Variants in CDH13 observed in about 807,000 individuals in gnomAD.
CDH13 encodes the protein cadherin-13.
Under a neutral mutation model 63.8 loss-of-function variants are expected in CDH13, and 24 were observed. The ratio of observed to expected loss-of-function variants is 0.38; its 90% CI spans 0.27 to 0.53. CDH13 has a LOEUF of 0.53. Ranked by LOEUF, CDH13 falls within the 20% of genes least tolerant of loss-of-function variation. The pLI is 0.85. For missense variants in CDH13, 1,049 were observed against 903.1 expected, an observed-to-expected ratio of 1.16 and a Z score of -2.07; for synonymous variants, 503 against 355.3, an observed-to-expected ratio of 1.42 and a Z score of -4.67.
intron 6 of CDH13, among the ~76,000 whole-genome samples, chr16:83,369,015 G>C (rs1209877412): frequency 2.1e-5 from 3 of 145,762 alleles, no homozygotes; most frequent in Admixed American, 1.4e-4. Flanking sequence ...AAATTGTGCT[G>C]CTATAAACAT....
At chr16:83,411,745 C>T (rs547166485) in intron 6 of CDH13, among the ~76,000 whole-genome samples, 1 of 152,050 alleles carries the variant, frequency 6.6e-6, no homozygotes, top group Non-Finnish European at 1.5e-5. Flanking sequence ...CTTAAACATA[C>T]CAGCTAGTGG....
chr16:83,330,589 C>A (rs1013823529), intron 5 of CDH13, among the ~76,000 whole-genome samples: 2 of 152,134 alleles, frequency 1.3e-5, no homozygotes, highest in Admixed American at 1.3e-4. Flanking sequence ...GACAGTAGGA[C>A]CAATGTAGCA....
intron 1 of CDH13, among the ~76,000 whole-genome samples, chr16:82,814,430 C>G (rs13337452): frequency 6.6e-6 from 1 of 151,820 alleles, no homozygotes; most frequent in African/African-American, 2.4e-5. Context: ...AGGCTGAAGA[C>G]TGAGTTGATC....
At position 83,031,491 on chromosome 16, in the gene CDH13, GTTAA is replaced by G. The variant is rs377678196; in HGVS notation, c.158-516_158-513del. 3.6e-3 allele frequency among the ~76,000 whole-genome samples: 515 copies of G among 141,440 alleles called. 6 individuals carry two copies. The highest frequency in any genetic ancestry group is 0.013 in the African/African-American group (478 of 37,702). 92.8% of individuals were successfully genotyped at this position (141,440 alleles called of 152,430 possible). On this transcript the variant is annotated intron_variant, in intron 2 of 13. Coordinates refer to ENST00000567109, the MANE Select transcript of CDH13 (RefSeq NM_001257.5). ...ATACATGTACATGTATATGCACATC[GTTAA>G]TTCTCATTCCCTGAATCTGTTTTGC... is the stretch of plus-strand genomic sequence containing the variant.
intron 2 of CDH13, among the ~76,000 whole-genome samples, chr16:82,959,852 A>T (rs1405219169): frequency 6.6e-6 from 1 of 152,188 alleles, no homozygotes; most frequent in Admixed American, 6.5e-5. Flanking sequence ...ATTTATGAGT[A>T]CGGCAGCTAT....
At chr16:82,638,127 T>G (rs909480282) in intron 1 of CDH13, among the ~76,000 whole-genome samples, 5 of 152,218 alleles carry the variant, frequency 3.3e-5, no homozygotes, top group African/African-American at 1.2e-4. Context: ...TCTGCTGTCT[T>G]TCTTTCTTTC....
intron 8 of CDH13, among the ~76,000 whole-genome samples, chr16:83,630,814 G>A (rs1910713810): frequency 6.6e-6 from 1 of 152,148 alleles, no homozygotes; most frequent in Non-Finnish European, 1.5e-5. Flanking sequence ...CAAATTGTGA[G>A]GGAGATATTT....
chr16:83,060,843 T>TGCCTTCCACA (rs1167745486), intron 3 of CDH13, among the ~76,000 whole-genome samples: 4 of 152,204 alleles, frequency 2.6e-5, no homozygotes, highest in African/African-American at 9.6e-5. Flanking sequence ...TGCCTTCCAC[T>TGCCTTCCACA]GCCTTCCACA....
At chr16:83,199,758 A>C (rs1314260653) in intron 4 of CDH13, among the ~76,000 whole-genome samples, 2 of 152,200 alleles carry the variant, frequency 1.3e-5, no homozygotes, top group Admixed American at 1.3e-4. Flanking sequence ...TTAGGGATGC[A>C]GTTCCATTCT....
intron 2 of CDH13, among the ~76,000 whole-genome samples, chr16:82,957,543 C>A (rs915793978): frequency 6.6e-6 from 1 of 152,104 alleles, no homozygotes; most frequent in African/African-American, 2.4e-5. Context: ...TCCCAAGTAC[C>A]CATAACATGT....
intron 5 of CDH13, among the ~76,000 whole-genome samples, chr16:83,294,900 C>T (rs563842518): frequency 1.3e-5 from 2 of 151,900 alleles, no homozygotes; most frequent in East Asian, 3.9e-4. Context: ...CATATGAAAC[C>T]ACAAAAGACC....
In CDH13 at chr16:83,301,025, G is replaced by GTTTTTTT. The variant is rs3052591; in HGVS notation, c.637-43819_637-43813dup. 5.5e-3 allele frequency among the ~76,000 whole-genome samples: 436 copies of GTTTTTTT among 78,770 alleles called. 37 individuals carry two copies. The highest frequency in any genetic ancestry group is 0.01 in the African/African-American group (190 of 18,616). 51.7% of individuals were successfully genotyped at this position (78,770 alleles called of 152,430 possible). ...GAACTGATACATATAACTTTCTGGG[G>GTTTTTTT]TTTTTTTTTTTTTTTTTTTTTTTTG... is the stretch of plus-strand genomic sequence containing the variant. On this transcript the variant is annotated intron_variant, in intron 5 of 13. Transcript: ENST00000567109.
Position 82,830,410 on chromosome 16 carries a change from G to A in CDH13, c.46-27952G>A, listed in dbSNP as rs557651404. 5.9e-5 allele frequency among the ~76,000 whole-genome samples: 9 copies of A among 152,294 alleles called. No homozygotes were observed. In the East Asian group the frequency reaches 7.7e-4, roughly 13 times the overall value. On this transcript the variant is annotated intron_variant, in intron 1 of 13. Coordinates refer to ENST00000567109, the MANE Select transcript of CDH13 (RefSeq NM_001257.5). ...TCCTGAGATTCATCATGGTCCCCAT[G>A]GGCAGTGAACAGTGTTGTTGTCACA...
chr16:82,675,545 C>T (rs2150951924), intron 1 of CDH13, among the ~76,000 whole-genome samples: 1 of 152,302 alleles, frequency 6.6e-6, no homozygotes, highest in East Asian at 1.9e-4. Flanking sequence ...TTCAAAGCTG[C>T]ATGAAGTCAC....
intron 1 of CDH13, among the ~76,000 whole-genome samples, chr16:82,657,913 TC>T (rs1483634804): frequency 6.6e-6 from 1 of 152,232 alleles, no homozygotes; most frequent in Non-Finnish European, 1.5e-5. Context: ...TGTTTTCTTT[TC>T]TTATCTTACT....
intron 1 of CDH13, among the ~76,000 whole-genome samples, chr16:82,745,591 G>A (rs2034126003): frequency 6.6e-6 from 1 of 152,008 alleles, no homozygotes; most frequent in African/African-American, 2.4e-5. Context: ...GTGACAGAGC[G>A]AGACTCTGTC....
chr16:83,570,972 A>AT (rs57638289), intron 7 of CDH13, among the ~76,000 whole-genome samples: 18 of 109,598 alleles, frequency 1.6e-4, no homozygotes, highest in East Asian at 5.7e-4. Flanking sequence ...TATATATATA[A>AT]AAACCTTCTG....
intron 5 of CDH13, among the ~76,000 whole-genome samples, chr16:83,229,220 T>C (rs2039934435): frequency 6.6e-6 from 1 of 152,124 alleles, no homozygotes; most frequent in Non-Finnish European, 1.5e-5. Context: ...AACATTCAAA[T>C]TGTCATGAAA....
chr16:82,852,481 T>C (rs1053656976), intron 1 of CDH13, among the ~76,000 whole-genome samples: 3 of 152,206 alleles, frequency 2.0e-5, no homozygotes, highest in Non-Finnish European at 4.4e-5. Context: ...GAAGATATCA[T>C]GCAGGACATT....
Sources: allele counts gnomAD v4.1 joint callset (sites outside exome capture counted in the v4.1 genomes callset), GRCh38; gene constraint gnomAD v4.1.1; transcripts MANE v1.5; gene names NCBI Gene and HGNC (gene_info 2026-07-23, HGNC 2026-07-21).